Variants in NEGR1 observed in about 807,000 individuals in gnomAD.
The protein encoded by NEGR1 is IgLON family member 4.
A neutral mutation model predicts 40.9 loss-of-function variants in NEGR1; 10 were observed. That is an observed-to-expected ratio of 0.24 (90% CI 0.15 to 0.42). The LOEUF is 0.42. Ranked by LOEUF, NEGR1 falls within the 10% of genes least tolerant of loss-of-function variation. NEGR1 has a pLI of 1.00. For missense variants in NEGR1, 352 were observed against 438.9 expected (o/e 0.80, Z 1.77); for synonymous variants, 185 against 166.8 (o/e 1.11, Z -0.84).
intron 3 of NEGR1, among the ~76,000 whole-genome samples, chr1:71,712,439 T>C (rs1038798748): frequency 1.3e-5 from 2 of 152,136 alleles, no homozygotes; most frequent in Non-Finnish European, 2.9e-5. Context: ...TTGCTATCTG[T>C]TTCTTTAGGA....
At chr1:72,009,333 T>C (rs1371763250) in intron 1 of NEGR1, among the ~76,000 whole-genome samples, 1 of 152,034 alleles carries the variant, frequency 6.6e-6, no homozygotes, top group Non-Finnish European at 1.5e-5. Flanking sequence ...TCAGGGACAG[T>C]TCCTCTTCTA....
chr1:72,084,059 C>T (rs942281772), intron 1 of NEGR1, among the ~76,000 whole-genome samples: 10 of 152,252 alleles, frequency 6.6e-5, no homozygotes, highest in African/African-American at 2.4e-4. Flanking sequence ...TCTCTACTAA[C>T]TCCTGGCACC....
chr1:71,410,371 T>A (rs1646311555), intron 6 of NEGR1, among the ~76,000 whole-genome samples: 1 of 152,098 alleles, frequency 6.6e-6, no homozygotes, highest in Non-Finnish European at 1.5e-5. Context: ...AAATATCTAC[T>A]GAATATCTAT....
At chr1:71,530,081 T>C (rs906478421) in intron 6 of NEGR1, among the ~76,000 whole-genome samples, 3 of 151,380 alleles carry the variant, frequency 2.0e-5, no homozygotes, top group Non-Finnish European at 4.4e-5. Flanking sequence ...ATCCACTTTA[T>C]CTCTGCTTTA....
intron 2 of NEGR1, among the ~76,000 whole-genome samples, chr1:71,851,935 C>A (rs577666949): frequency 3.9e-5 from 6 of 152,226 alleles, no homozygotes; most frequent in African/African-American, 7.2e-5. Flanking sequence ...GTTCCTTTTA[C>A]ACAAGGTTCT....
At chr1:71,451,302 T>C (rs919753724) in intron 6 of NEGR1, among the ~76,000 whole-genome samples, 4 of 151,502 alleles carry the variant, frequency 2.6e-5, no homozygotes, top group Non-Finnish European at 4.4e-5. Flanking sequence ...AAAGAACCAG[T>C]GCAACTGAGA....
At chr1:71,880,745 T>A (rs1274063059) in intron 2 of NEGR1, among the ~76,000 whole-genome samples, 1 of 151,982 alleles carries the variant, frequency 6.6e-6, no homozygotes, top group African/African-American at 2.4e-5. Flanking sequence ...TAAATGCCAC[T>A]CCTCAAAAAA....
At chr1:72,042,990 A>T (rs916049699) in intron 1 of NEGR1, among the ~76,000 whole-genome samples, 1 of 151,986 alleles carries the variant, frequency 6.6e-6, no homozygotes, top group Non-Finnish European at 1.5e-5. Context: ...TTAGTGATAT[A>T]CACATTAATC....
At position 72,272,013 on chromosome 1, in the gene NEGR1, C is replaced by T. The variant is rs186404971; in HGVS notation, c.176+10306G>A. Among the ~76,000 whole-genome samples the T allele has an allele frequency of 3.3e-5, 5 of 151,790 alleles. No individual in the cohort carries two copies. The East Asian group carries it at 5.8e-4, about 18-fold the overall frequency. On this transcript the variant is annotated intron_variant, in intron 1 of 6. Coordinates refer to ENST00000357731, the MANE Select transcript of NEGR1 (RefSeq NM_173808.3). The stretch of plus-strand genomic sequence containing the variant: ...TTAAACCTCTTTTTCTTCCCAGTCT[C>T]GTGTATGTCTTTACCAGCAGTATGA...
chr1:72,017,593 A>T (rs1038761909), intron 1 of NEGR1, among the ~76,000 whole-genome samples: 6 of 152,094 alleles, frequency 3.9e-5, no homozygotes, highest in Non-Finnish European at 5.9e-5. Context: ...TATCAGTCCA[A>T]CTGGCATTAT....
At chr1:71,412,042 T>TC (rs1193969506) in intron 6 of NEGR1, among the ~76,000 whole-genome samples, 4 of 151,948 alleles carry the variant, frequency 2.6e-5, no homozygotes, top group African/African-American at 4.8e-5. Context: ...CTTCAAGTAT[T>TC]CCCCATTGTT....
chr1:71,622,186 T>G (rs1650632230), intron 4 of NEGR1, among the ~76,000 whole-genome samples: 1 of 151,904 alleles, frequency 6.6e-6, no homozygotes, highest in African/African-American at 2.4e-5. Flanking sequence ...CCTAGCTGTT[T>G]GCCGAACTTT....
intron 6 of NEGR1, among the ~76,000 whole-genome samples, chr1:71,540,876 T>C (rs1221620232): frequency 6.6e-6 from 1 of 151,640 alleles, no homozygotes; most frequent in Non-Finnish European, 1.5e-5. Flanking sequence ...GGATCTTTTA[T>C]TTAGGGTGGA....
chr1:71,879,250 T>G (rs1338042019), intron 2 of NEGR1, among the ~76,000 whole-genome samples: 5 of 152,194 alleles, frequency 3.3e-5, no homozygotes. Flanking sequence ...TTCTTTTTGT[T>G]TGTGCCTTAG....
chr1:71,508,762 G>A (rs1169233031), intron 6 of NEGR1, among the ~76,000 whole-genome samples: 2 of 152,180 alleles, frequency 1.3e-5, no homozygotes, highest in East Asian at 1.9e-4. Context: ...CCAAGCTGGA[G>A]ACCCTTAAAG....
At chr1:72,212,432 G>A (rs968468795) in intron 1 of NEGR1, among the ~76,000 whole-genome samples, 18 of 152,052 alleles carry the variant, frequency 1.2e-4, no homozygotes, top group Admixed American at 2.6e-4. Flanking sequence ...GTCTCAGGAA[G>A]CCAAGGTTGG....
intron 1 of NEGR1, among the ~76,000 whole-genome samples, chr1:72,169,758 TG>T (rs1261577587): frequency 1.3e-5 from 2 of 152,208 alleles, no homozygotes; most frequent in East Asian, 3.8e-4. Flanking sequence ...CACAAAATTA[TG>T]TCTGACACTT....
chr1:71,928,530 C>G (rs540790052), intron 2 of NEGR1, among the ~76,000 whole-genome samples: 38 of 123,406 alleles, frequency 3.1e-4, no homozygotes, highest in Non-Finnish European at 4.6e-4. Context: ...ATACACACAT[C>G]TATACACATA....
intron 6 of NEGR1, chr1:71,488,205 T>G (rs769485534): frequency 4.0e-5 from 6 of 151,792 alleles, no homozygotes; most frequent in African/African-American, 1.4e-4. Context: ...ATCTCAACAG[T>G]CTAAAGCAGT....
Sources: gnomAD v4.1 joint callset for allele counts (sites outside exome capture counted in the v4.1 genomes callset) on GRCh38, gnomAD v4.1.1 for gene constraint, MANE v1.5 for transcripts, NCBI Gene and HGNC (gene_info 2026-07-23, HGNC 2026-07-21) for gene names.